DAB1: variants seen among roughly 807,000 people sequenced by gnomAD.
The protein encoded by DAB1 is DAB adaptor protein 1, also known as disabled homolog 1.
A neutral mutation model predicts 64.6 loss-of-function variants in DAB1; 15 were observed. The observed-to-expected ratio is 0.23, with a 90% confidence interval of 0.16 to 0.36. The LOEUF (loss-of-function observed/expected upper bound fraction) is 0.36, where lower values mean the gene tolerates loss of function less well. Ranked by LOEUF, DAB1 falls within the 10% of genes least tolerant of loss-of-function variation. The probability of loss-of-function intolerance (pLI) is 1.00; values close to 1 mark genes in which losing one functional copy is unlikely to be tolerated. For missense variants in DAB1, 596 were observed against 706.7 expected (o/e 0.84, Z 1.78); for synonymous variants, 235 against 251.9 (o/e 0.93, Z 0.64).
intron 4 of DAB1, among the ~76,000 whole-genome samples, chr1:57,078,996 A>G (rs1235800051): frequency 6.6e-6 from 1 of 152,202 alleles, no homozygotes; most frequent in Non-Finnish European, 1.5e-5. Flanking sequence ...AGCAAGCAGT[A>G]CCGAAAAAAT....
intron 3 of DAB1, among the ~76,000 whole-genome samples, chr1:58,413,845 A>G (rs1202365298): frequency 1.3e-5 from 2 of 152,174 alleles, no homozygotes; most frequent in Non-Finnish European, 2.9e-5. Flanking sequence ...CTATAGAGTC[A>G]TGTGTCTCTC....
At chr1:57,900,380 T>C (rs896860842) in intron 5 of DAB1, among the ~76,000 whole-genome samples, 1 of 152,156 alleles carries the variant, frequency 6.6e-6, no homozygotes, top group African/African-American at 2.4e-5. Context: ...AAAGCAGGAA[T>C]TGCCTGACCA....
At chr1:57,565,373 C>T (rs1645105410) in intron 7 of DAB1, among the ~76,000 whole-genome samples, 1 of 152,094 alleles carries the variant, frequency 6.6e-6, no homozygotes, top group South Asian at 2.1e-4. Context: ...AACTAACGAG[C>T]AAAATAACCA....
At chr1:57,949,592 C>G (rs992862609) in intron 5 of DAB1, among the ~76,000 whole-genome samples, 4 of 151,732 alleles carry the variant, frequency 2.6e-5, no homozygotes, top group Admixed American at 6.6e-5. Flanking sequence ...GCACATATTT[C>G]TAAAGAATAC....
intron 5 of DAB1, among the ~76,000 whole-genome samples, chr1:57,977,451 C>T (rs75001910): frequency 0.012 from 1,773 of 152,202 alleles, 35 homozygotes; most frequent in African/African-American, 0.041. Context: ...TGGGTCCTAC[C>T]CGCAACATTG....
chr1:57,015,198 C>T lies in DAB1; in HGVS notation c.1129G>A (p.Ala377Thr). ...GTGAGGGGACCTTGGAACATGGCAG[C>T]TGGCAAAGGCATAACAGTTTGTGTG... ...MPTQTVMPLP[A>T]AMFQGPLTPL... is the part of the protein sequence containing the mutation. Residue 377 changes from alanine (A) to threonine (T), a missense_variant, in exon 12 of 15, where the codon GCT becomes ACT. By Grantham distance (58) the Ala-to-Thr change is moderately conservative. Transcript: ENST00000371236. The T allele has an allele frequency of 6.2e-7, 1 of 1,614,046 alleles. No homozygotes were observed. The highest frequency in any genetic ancestry group is 8.5e-7 in the Non-Finnish European group (1 of 1,179,970).
At chr1:57,931,873 T>A (rs1055695247) in intron 5 of DAB1, among the ~76,000 whole-genome samples, 1 of 152,096 alleles carries the variant, frequency 6.6e-6, no homozygotes, top group African/African-American at 2.4e-5. Flanking sequence ...TGTTATTATT[T>A]CCTTTCTTCT....
intron 7 of DAB1, among the ~76,000 whole-genome samples, chr1:57,571,305 A>G (rs1451223911): frequency 6.6e-6 from 1 of 152,160 alleles, no homozygotes; most frequent in African/African-American, 2.4e-5. Flanking sequence ...GAAGAATAGT[A>G]TGAGAAGAAT....
At chr1:57,414,902 T>C (rs1340406916) in intron 1 of DAB1, among the ~76,000 whole-genome samples, 4 of 152,180 alleles carry the variant, frequency 2.6e-5, no homozygotes, top group Non-Finnish European at 5.9e-5. Flanking sequence ...ATAGAAAGAC[T>C]CAGGCTCAAT....
At chr1:58,497,417 T>C (rs1049769309) in intron 3 of DAB1, among the ~76,000 whole-genome samples, 4 of 152,166 alleles carry the variant, frequency 2.6e-5, no homozygotes, top group African/African-American at 9.7e-5. Context: ...TTAGGCATGA[T>C]AATGTTATGA....
Position 58,423,416 on chromosome 1 carries a change from G to C in DAB1, n.258-80013C>G, listed in dbSNP as rs962141954. On this transcript the variant is annotated intron_variant and non_coding_transcript_variant, in intron 3 of 20. Coordinates refer to the DAB1 transcript ENST00000485760. ...GCAATCCTGTCTGTGCTCCAAGAGA[G>C]GGGAAGAGGTGGAGGGAAGTTCCAA... is the stretch of plus-strand genomic sequence containing the variant. Among the ~76,000 whole-genome samples the C allele has an allele frequency of 2.0e-5, 3 of 152,212 alleles. No homozygotes were observed. The East Asian group carries it at 5.8e-4, about 29-fold the overall frequency.
chr1:57,085,782 T>TG (rs923105746), intron 4 of DAB1, among the ~76,000 whole-genome samples: 1 of 152,018 alleles, frequency 6.6e-6, no homozygotes, highest in African/African-American at 2.4e-5. Flanking sequence ...GTATGACACT[T>TG]GGGGGCGGGG....
chr1:58,450,910 C>T (rs912212678), intron 3 of DAB1, among the ~76,000 whole-genome samples: 1 of 152,038 alleles, frequency 6.6e-6, no homozygotes, highest in African/African-American at 2.4e-5. Flanking sequence ...CCTGTGCAAC[C>T]CTAGTCTATC....
intron 4 of DAB1, among the ~76,000 whole-genome samples, chr1:58,341,050 C>T (rs1643925671): frequency 6.6e-6 from 1 of 152,098 alleles, no homozygotes; most frequent in Non-Finnish European, 1.5e-5. Context: ...TTCTGGGCTC[C>T]CTGTGGACCC....
chr1:57,486,936 T>G (rs113176863), intron 7 of DAB1, among the ~76,000 whole-genome samples: 2,927 of 150,364 alleles, frequency 0.019, 83 homozygotes, highest in East Asian at 0.14. Flanking sequence ...ACATTTACTA[T>G]GTACCCACAA....
At chr1:58,074,564 G>GTGTGTGTGTATATATA (rs1332531604) in intron 5 of DAB1, 2 of 91,632 alleles carry the variant, frequency 2.2e-5, no homozygotes, top group Non-Finnish European at 4.2e-5. Context: ...ATATATGTGT[G>GTGTGTGTGTATATATA]TATATATATA....
intron 9 of DAB1, among the ~76,000 whole-genome samples, chr1:57,051,569 C>A (rs1013250396): frequency 3.3e-5 from 5 of 152,150 alleles, no homozygotes; most frequent in African/African-American, 1.2e-4. Flanking sequence ...GAAAGTCAAC[C>A]AAATACTGAT....
intron 1 of DAB1, among the ~76,000 whole-genome samples, chr1:58,535,595 CAAAAA>C (rs11315198): frequency 3.1e-5 from 3 of 95,574 alleles, no homozygotes; most frequent in Non-Finnish European, 2.1e-5. Flanking sequence ...GTCTCTGTCT[CAAAAA>C]AAAAAAAAAA....
chr1:57,706,719 G>T (rs1185378944), intron 6 of DAB1, among the ~76,000 whole-genome samples: 2 of 152,024 alleles, frequency 1.3e-5, no homozygotes, highest in Non-Finnish European at 2.9e-5. Flanking sequence ...TGTGCACTAG[G>T]TGTATATATT....
Sources: allele counts gnomAD v4.1 joint callset (sites outside exome capture counted in the v4.1 genomes callset), GRCh38; gene constraint gnomAD v4.1.1; transcripts MANE v1.5; gene names NCBI Gene and HGNC (gene_info 2026-07-23, HGNC 2026-07-21).